ACSF2: variants seen among roughly 807,000 people sequenced by gnomAD.
ACSF2 encodes the protein medium-chain acyl-CoA ligase ACSF2, mitochondrial.
Under a neutral mutation model 79.3 loss-of-function variants are expected in ACSF2, and 52 were observed. The observed-to-expected ratio is 0.66, with a 90% CI of 0.53 to 0.83. The LOEUF is 0.83. Among genes scored for constraint, ACSF2 ranks in the 40% least tolerant of loss-of-function variants. The pLI, the probability that ACSF2 is intolerant of heterozygous loss-of-function variation, is 0.00. For missense variants in ACSF2, 661 were observed against 803.3 expected (o/e 0.82, Z 2.14); for synonymous variants, 283 against 312.6 (o/e 0.91, Z 1.00).
chr17:50,471,490 C>T lies in ACSF2; in HGVS notation c.1323+355C>T, dbSNP rs1276249383. Reference sequence around the variant, plus strand: ...TTTTCCTACACAGCTTCTTTTCCTCCAGTGGTGCTCGCCTCTCGCTTTAGC... The same window carrying T: ...TTTTCCTACACAGCTTCTTTTCCTCTAGTGGTGCTCGCCTCTCGCTTTAGC... On this transcript the variant is annotated intron_variant, in intron 11 of 15. Transcript: ENST00000300441. This position sits in a 1 kb window ranked among gnomAD's most constrained non-coding sequence, Gnocchi z 4.1. The T allele has an allele frequency of 3.4e-6, 1 of 296,710 alleles. No individual in the cohort carries two copies. The highest frequency in any genetic ancestry group is 6.9e-5 in the East Asian group (1 of 14,510). The allele number at this position is 296,710 out of a possible 1,614,324, so 18.4% of individuals were successfully genotyped here. A position where few individuals can be genotyped will look rare whatever the true frequency, so the allele number is the denominator to read the frequency against.
At chr17:50,427,072 G>A in intron 1 of ACSF2, 2 of 1,340,494 alleles carry the variant, frequency 1.5e-6, no homozygotes, top group Non-Finnish European at 2.0e-6. Flanking sequence ...AGAGCAGGCT[G>A]CCACTCATGT....
Position 50,471,378 on chromosome 17 carries a change from T to C in ACSF2, c.1323+243T>C. On this transcript the variant is annotated intron_variant, in intron 11 of 15. Coordinates refer to ENST00000300441, the MANE Select transcript of ACSF2 (RefSeq NM_025149.6). This position sits in a 1 kb window ranked among gnomAD's most constrained non-coding sequence, Gnocchi z 4.1. ...CAGCTGAACTTCTCCGCGGCCTCCC[T>C]TCCTGTCTGAGGTGTGTTTTTGCCA... 1.9e-6 allele frequency: 1 copy of C among 513,614 alleles called. No homozygotes were observed. Among genetic ancestry groups the C allele is most frequent in the Non-Finnish European group, 3.6e-6 (1 of 281,654 alleles). The allele number at this position is 513,614 out of a possible 1,614,324, so 31.8% of individuals were successfully genotyped here.
intron 12 of ACSF2, 93 bp from the exon 13 acceptor site, chr17:50,473,572 A>G: frequency 3.8e-6 from 6 of 1,561,848 alleles, no homozygotes; most frequent in South Asian, 1.1e-5. Context: ...AGTGGAAGAC[A>G]CATAGTAGCT....
chr17:50,435,976 C>T (rs1477333335), intron 1 of ACSF2, among the ~76,000 whole-genome samples: 1 of 151,796 alleles, frequency 6.6e-6, no homozygotes, highest in African/African-American at 2.4e-5. Context: ...CTTTTGGTGT[C>T]AAGCCTAATA....
At chr17:50,454,241 G>A (rs1294540410) in intron 1 of ACSF2, among the ~76,000 whole-genome samples, 1 of 150,204 alleles carries the variant, frequency 6.7e-6, no homozygotes, top group East Asian at 1.9e-4. Context: ...CAAACTCCTG[G>A]GCTTGAGCAA....
intron 1 of ACSF2, among the ~76,000 whole-genome samples, chr17:50,433,743 C>CA (rs907303290): frequency 1.3e-5 from 2 of 152,102 alleles, no homozygotes; most frequent in Admixed American, 1.3e-4. Flanking sequence ...CTCTGCCTCC[C>CA]AAATAGCTGG....
rs1365618242 is a variant in ACSF2 at position 50,465,489 on chromosome 17, G to C, written c.1215+1195G>C. ...GCTGGGGAAGAAGGTGGGAGTGCTGGGGGGAAGGGCAGTGAACTATGGGGC... is the reference window on the plus strand; with the variant it reads ...GCTGGGGAAGAAGGTGGGAGTGCTGCGGGGAAGGGCAGTGAACTATGGGGC... On this transcript the variant is annotated intron_variant, in intron 10 of 15. Transcript: ENST00000300441. 3.1e-6 allele frequency: 5 copies of C among 1,605,298 alleles called. No individual in the cohort carries two copies. In the East Asian group the frequency reaches 8.9e-5, roughly 29 times the overall value.
At position 50,461,298 on chromosome 17, in the gene ACSF2, G is replaced by A. The variant is rs2032311094; in HGVS notation, c.381G>A (p.Leu127=). The change falls in exon 3 of 16, where the codon CTG becomes CTA. Residue 127 remains leucine (L), a synonymous_variant. Coordinates refer to ENST00000300441, the MANE Select transcript of ACSF2 (RefSeq NM_025149.6). ...LSIGLCKGDR[L]GMWGPNSYAW... ...TTGGCCTCTGCAAAGGTGACCGGCT[G>A]GGCATGTGGGGACCTAACTCCTATG... The A allele has an allele frequency of 1.2e-6, 2 of 1,614,102 alleles. No individual in the cohort carries two copies. The highest frequency in any genetic ancestry group is 2.2e-5 in the East Asian group (1 of 44,892).
chr17:50,426,783 GC>G, intron 1 of ACSF2: 1 of 1,045,978 alleles, frequency 9.6e-7, no homozygotes, highest in Non-Finnish European at 1.4e-6. Context: ...TTGGGGATCA[GC>G]CCCAGTCTCC....
At position 50,439,232 on chromosome 17, in the gene ACSF2, C is replaced by CCTTTTTTTTTTTTTTTTTTTT. The variant is rs1296228793; in HGVS notation, c.128+12843_128+12844insCTTTTTTTTTTTTTTTTTTTT. Among the ~76,000 whole-genome samples, 3 of 96,462 alleles carry CCTTTTTTTTTTTTTTTTTTTT rather than the reference C, an allele frequency of 3.1e-5. 1 individual carries two copies. Among genetic ancestry groups the CCTTTTTTTTTTTTTTTTTTTT allele is most frequent in the African/African-American group, 9.4e-5 (2 of 21,298 alleles). The allele number at this position is 96,462 out of a possible 152,430, so 63.3% of individuals were successfully genotyped here. On this transcript the variant is annotated intron_variant, in intron 1 of 15. Transcript: ENST00000300441. ...ACGACAGGTGCATGCTACCACACAG[C>CCTTTTTTTTTTTTTTTTTTTT]TTTTTTTTTTTTTTTTTTTTTTTTT...
chr17:50,462,734 T>A, intron 6 of ACSF2, 149 bp downstream of exon 6: 1 of 913,656 alleles, frequency 1.1e-6, no homozygotes, highest in South Asian at 1.7e-5. Flanking sequence ...CTGGAAAATA[T>A]CAGCACCTGG....
chr17:50,456,639 G>A (rs755575267), intron 1 of ACSF2, among the ~76,000 whole-genome samples: 11 of 152,142 alleles, frequency 7.2e-5, no homozygotes, highest in Non-Finnish European at 1.2e-4. Context: ...GGCTGAGGCA[G>A]GAGAATCGTT....
intron 1 of ACSF2, among the ~76,000 whole-genome samples, chr17:50,458,711 T>C (rs565733475): frequency 4.6e-5 from 7 of 152,346 alleles, no homozygotes; most frequent in Non-Finnish European, 1.0e-4. Context: ...GGTGGGTGTT[T>C]CCTAAATATT....
chr17:50,465,632 C>T, intron 10 of ACSF2: 1 of 1,563,020 alleles, frequency 6.4e-7, no homozygotes, highest in Non-Finnish European at 8.8e-7. Context: ...GCATGTCCAA[C>T]ATGTCTTAGT....
intron 1 of ACSF2, among the ~76,000 whole-genome samples, chr17:50,455,489 A>G (rs1254026274): frequency 1.3e-5 from 2 of 152,170 alleles, no homozygotes; most frequent in East Asian, 3.9e-4. Flanking sequence ...ACCCTAGGCA[A>G]CAAGAGCTTC....
In ACSF2 at chr17:50,467,942, AC is replaced by A; in HGVS notation, c.1216-3084del. ...TTGGAGATAGCCAGAGGGACAGGGA[AC>A]CTGGGGACGGGGGATGGTGCCAGCT... is the stretch of plus-strand genomic sequence containing the variant. On this transcript the variant is annotated intron_variant, in intron 10 of 15. Transcript: ENST00000300441. 3 of 1,301,776 alleles carry A rather than the reference AC, an allele frequency of 2.3e-6. No individual in the cohort carries two copies. The South Asian group carries it at 4.5e-5, about 19-fold the overall frequency. 80.6% of individuals were successfully genotyped at this position (1,301,776 alleles called of 1,614,324 possible).
Position 50,464,606 on chromosome 17 carries a change from G to A in ACSF2, c.1215+312G>A, listed in dbSNP as rs561431292. ...TGCTAGAACGTCCTGGCAGGTGGGG[G>A]CTGGCAGAGTTGGGGCATGGGCTTT... On this transcript the variant is annotated intron_variant, in intron 10 of 15. Transcript: ENST00000300441. The A allele has an allele frequency of 9.2e-6, 5 of 544,220 alleles. 1 individual carries two copies. The highest frequency in any genetic ancestry group is 1.8e-5 in the Non-Finnish European group (5 of 284,968). The allele number at this position is 544,220 out of a possible 1,614,324, so 33.7% of individuals were successfully genotyped here. A position where few individuals can be genotyped will look rare whatever the true frequency, so the allele number is the denominator to read the frequency against.
chr17:50,454,655 C>A (rs575645635), intron 1 of ACSF2, among the ~76,000 whole-genome samples: 1 of 152,184 alleles, frequency 6.6e-6, no homozygotes, highest in Non-Finnish European at 1.5e-5. Context: ...CCCCACTGGC[C>A]AGGACCTCAC....
intron 1 of ACSF2, chr17:50,460,427 CG>C: frequency 1.9e-6 from 1 of 530,458 alleles, no homozygotes; most frequent in Non-Finnish European, 3.4e-6. Flanking sequence ...TCACCTTTCC[CG>C]GGAAGGCGAA....
Sources: allele counts gnomAD v4.1 joint callset (sites outside exome capture counted in the v4.1 genomes callset), GRCh38; gene constraint gnomAD v4.1.1; non-coding constraint Gnocchi (gnomAD v3.1); transcripts MANE v1.5; gene names NCBI Gene and HGNC (gene_info 2026-07-23, HGNC 2026-07-21).